SRRM4: variants seen among roughly 807,000 people sequenced by gnomAD.
SRRM4 encodes serine/arginine repetitive matrix protein 4.
In SRRM4, 33 loss-of-function variants were observed where a neutral mutation model predicts 68.9. That is an observed-to-expected ratio of 0.48 (90% CI 0.36 to 0.64). The LOEUF (loss-of-function observed/expected upper bound fraction) is 0.64, where lower values mean the gene tolerates loss of function less well. SRRM4 is among the 30% of genes least tolerant of loss of function. The pLI is 0.00. For missense variants in SRRM4, 817 were observed against 827.1 expected (o/e 0.99, Z 0.15); for synonymous variants, 318 against 318.8 (o/e 1.00, Z 0.03).
chr12:119,152,796 T>C (rs1408099530), intron 10 of SRRM4, among the ~76,000 whole-genome samples: 1 of 152,210 alleles, frequency 6.6e-6, no homozygotes, highest in Non-Finnish European at 1.5e-5. Context: ...TTCCTGCCCC[T>C]GTTTTCTAAA....
intron 1 of SRRM4, among the ~76,000 whole-genome samples, chr12:119,034,854 C>T (rs1046341216): frequency 1.3e-5 from 2 of 152,056 alleles, no homozygotes; most frequent in African/African-American, 4.8e-5. Flanking sequence ...TTGTCATATC[C>T]CTTAAAAATT....
chr12:119,127,073 G>C lies in SRRM4; in HGVS notation c.614+1594G>C, dbSNP rs12578689. Reference sequence around the variant, plus strand: ...GGGGACTGTTGTGGGGTTGGGGGACGGGGGAGGGATAGCATTGGGAGATAT... The same window carrying C: ...GGGGACTGTTGTGGGGTTGGGGGACCGGGGAGGGATAGCATTGGGAGATAT... On this transcript the variant is annotated intron_variant, in intron 7 of 12. Coordinates refer to ENST00000267260, the MANE Select transcript of SRRM4 (RefSeq NM_194286.4). Among the ~76,000 whole-genome samples the C allele has an allele frequency of 1.9e-4, 27 of 139,890 alleles. 1 individual carries two copies. In the East Asian group the frequency reaches 5.2e-3, roughly 27 times the overall value. 91.8% of individuals were successfully genotyped at this position (139,890 alleles called of 152,430 possible).
intron 1 of SRRM4, among the ~76,000 whole-genome samples, chr12:119,019,628 T>C (rs928522290): frequency 3.3e-5 from 5 of 152,180 alleles, no homozygotes; most frequent in African/African-American, 9.7e-5. Flanking sequence ...TACCCTAACC[T>C]ACACTACCCT....
intron 1 of SRRM4, among the ~76,000 whole-genome samples, chr12:118,999,941 A>G (rs912212124): frequency 2.0e-5 from 3 of 152,212 alleles, no homozygotes; most frequent in African/African-American, 4.8e-5. Context: ...AAGAAGTACT[A>G]TGTTTTGTTC....
In SRRM4 at chr12:119,062,861, C is replaced by G. The variant is rs995114448; in HGVS notation, c.132-39375C>G. Among the ~76,000 whole-genome samples the G allele has an allele frequency of 5.9e-5, 9 of 152,186 alleles. No homozygotes were observed. In the East Asian group the frequency reaches 1.7e-3, roughly 29 times the overall value. ...TAGTGGCCCTAGGCAATGGGCCTAC[C>G]AGATTCATGGCTTTAGTTTCTCATA... On this transcript the variant is annotated intron_variant, in intron 1 of 12. Transcript: ENST00000267260.
intron 6 of SRRM4, among the ~76,000 whole-genome samples, chr12:119,122,427 T>C (rs1286207135): frequency 6.6e-6 from 1 of 152,132 alleles, no homozygotes; most frequent in African/African-American, 2.4e-5. Context: ...ATGATGTGTA[T>C]GTGTATGCAC....
chr12:119,125,513 C>CTGTGGCTGA, intron 7 of SRRM4, 34 bp downstream of exon 7: 1 of 1,585,738 alleles, frequency 6.3e-7, no homozygotes, highest in Non-Finnish European at 8.7e-7. Flanking sequence ...CTTCTGTCAG[C>CTGTGGCTGA]CACAGCCGAG....
intron 1 of SRRM4, among the ~76,000 whole-genome samples, chr12:119,032,156 T>C (rs1473898319): frequency 2.0e-5 from 3 of 152,162 alleles, no homozygotes; most frequent in Non-Finnish European, 4.4e-5. Flanking sequence ...TAATATCTCA[T>C]AGTGTGTATC....
At chr12:119,155,037 A>G (rs1414772766) in intron 12 of SRRM4, among the ~76,000 whole-genome samples, 1 of 152,182 alleles carries the variant, frequency 6.6e-6, no homozygotes, top group South Asian at 2.1e-4. Flanking sequence ...CACCCATGAG[A>G]TATTGGAAGA....
chr12:119,035,704 T>C (rs938018401), intron 1 of SRRM4, among the ~76,000 whole-genome samples: 16 of 152,202 alleles, frequency 1.1e-4, no homozygotes, highest in Middle Eastern at 3.2e-3. Context: ...CCAGATTTCA[T>C]AGGTGCCCCT....
At chr12:119,056,659 A>T (rs1243972283) in intron 1 of SRRM4, among the ~76,000 whole-genome samples, 3 of 151,210 alleles carry the variant, frequency 2.0e-5, no homozygotes, top group African/African-American at 7.3e-5. Flanking sequence ...GCCTTTGCAC[A>T]TGCTGTTCTC....
At chr12:119,042,383 A>C (rs939144410) in intron 1 of SRRM4, among the ~76,000 whole-genome samples, 4 of 152,068 alleles carry the variant, frequency 2.6e-5, no homozygotes, top group Admixed American at 2.0e-4. Context: ...CAGAGAAACA[A>C]GACTTGCAAT....
At chr12:119,137,571 A>G (rs1954337170) in intron 8 of SRRM4, among the ~76,000 whole-genome samples, 1 of 141,410 alleles carries the variant, frequency 7.1e-6, no homozygotes, top group Admixed American at 7.2e-5. Context: ...CAAGGAGATG[A>G]GGCGAGGTTT....
At chr12:119,126,471 A>G (rs1954261940) in intron 7 of SRRM4, among the ~76,000 whole-genome samples, 1 of 152,224 alleles carries the variant, frequency 6.6e-6, no homozygotes, top group African/African-American at 2.4e-5. Flanking sequence ...AGTGACAGTT[A>G]GGATTGAAAT....
chr12:119,000,133 C>G (rs1203902300), intron 1 of SRRM4, among the ~76,000 whole-genome samples: 2 of 152,256 alleles, frequency 1.3e-5, no homozygotes, highest in East Asian at 3.9e-4. Flanking sequence ...TTCACTTCCC[C>G]AAGCCTCAAT....
At chr12:119,008,781 C>T (rs770739385) in intron 1 of SRRM4, among the ~76,000 whole-genome samples, 1 of 152,150 alleles carries the variant, frequency 6.6e-6, no homozygotes, top group Admixed American at 6.5e-5. Flanking sequence ...CCAGAGCCAA[C>T]GGGCCGCCCC....
At chr12:119,130,956 G>C in intron 8 of SRRM4, 122 bp downstream of exon 8, 1 of 1,037,518 alleles carries the variant, frequency 9.6e-7, no homozygotes, top group Non-Finnish European at 1.3e-6. Flanking sequence ...TATCCCACTG[G>C]CTCCAGACCT....
rs10533651 is a variant in SRRM4 at position 118,982,669 on chromosome 12, G to GTTTTT, written c.131+661_131+665dup. On this transcript the variant is annotated intron_variant, in intron 1 of 12. Coordinates refer to ENST00000267260, the MANE Select transcript of SRRM4 (RefSeq NM_194286.4). Reference sequence around the variant, plus strand: ...GATGATCTTGGAAGAGTTTTATTTTGTTTTTTTTTGTTTTTTTTTTTTTTT... The same window carrying GTTTTT: ...GATGATCTTGGAAGAGTTTTATTTTGTTTTTTTTTTTTTTGTTTTTTTTTTTTTTT... Among the ~76,000 whole-genome samples the GTTTTT allele has an allele frequency of 4.7e-4, 54 of 115,722 alleles. 2 individuals are homozygous for GTTTTT. Among genetic ancestry groups the GTTTTT allele is most frequent in the East Asian group, 1.8e-3 (6 of 3,288 alleles). 75.9% of individuals were successfully genotyped at this position (115,722 alleles called of 152,430 possible).
At chr12:118,983,248 T>C (rs1245567088) in intron 1 of SRRM4, among the ~76,000 whole-genome samples, 1 of 152,174 alleles carries the variant, frequency 6.6e-6, no homozygotes, top group Non-Finnish European at 1.5e-5. Context: ...TTATTGAGGA[T>C]CATACAGGTC....
Sources: allele counts gnomAD v4.1 joint callset (sites outside exome capture counted in the v4.1 genomes callset), GRCh38; gene constraint gnomAD v4.1.1; transcripts MANE v1.5; gene names NCBI Gene and HGNC (gene_info 2026-07-23, HGNC 2026-07-21).